Variants in LAT2 observed in about 807,000 individuals in gnomAD.
LAT2 encodes linker for activation of T cells family member 2.
In LAT2, 23 loss-of-function variants were observed where a neutral mutation model predicts 43.4. The ratio of observed to expected loss-of-function variants is 0.53; its 90% CI spans 0.38 to 0.75. The LOEUF (loss-of-function observed/expected upper bound fraction) is 0.75, where lower values mean the gene tolerates loss of function less well. LAT2 is among the 30% of genes least tolerant of loss of function. The probability of loss-of-function intolerance (pLI) is 0.00; values close to 1 mark genes in which losing one functional copy is unlikely to be tolerated. For synonymous variants in LAT2, 128 were observed against 123.2 expected (o/e 1.04, Z -0.26); for missense variants, 284 against 310.2 (o/e 0.92, Z 0.64).
At chr7:74,224,252 T>C (rs1584227238) in intron 12 of LAT2, 55 bp downstream of exon 12, 2 of 1,571,538 alleles carry the variant, frequency 1.3e-6, no homozygotes, top group African/African-American at 1.3e-5. Flanking sequence ...CTTGAGGGAC[T>C]GGCCTGGAAG....
intron 1 of LAT2, among the ~76,000 whole-genome samples, chr7:74,210,460 CGGTG>C (rs1563963934): frequency 6.6e-6 from 1 of 152,160 alleles, no homozygotes; most frequent in African/African-American, 2.4e-5. Context: ...CAGGGGAAAA[CGGTG>C]GGATTACAGG....
intron 10 of LAT2, among the ~76,000 whole-genome samples, chr7:74,222,400 CAA>C (rs782642560): frequency 2.4e-4 from 31 of 129,886 alleles, no homozygotes; most frequent in Admixed American, 1.6e-3. Flanking sequence ...GACTCCATCT[CAA>C]AAAAAAAAAA....
intron 1 of LAT2, among the ~76,000 whole-genome samples, chr7:74,211,531 C>T (rs144842238): frequency 0.022 from 3,337 of 152,106 alleles, 112 homozygotes; most frequent in African/African-American, 0.074. Flanking sequence ...AATCTTGGCT[C>T]ACTGCAAGCT....
chr7:74,210,719 G>A (rs759314681), intron 1 of LAT2, among the ~76,000 whole-genome samples: 117 of 152,254 alleles, frequency 7.7e-4, no homozygotes, highest in South Asian at 2.1e-3. Flanking sequence ...AGGCCAAGGC[G>A]GGAGGATCAT....
rs868919819 is a variant in LAT2 at position 74,214,082 on chromosome 7, A to G, written c.-218-740A>G. 5.4e-3 allele frequency among the ~76,000 whole-genome samples: 696 copies of G among 128,102 alleles called. 3 individuals carry two copies. Among genetic ancestry groups the G allele is most frequent in the South Asian group, 0.012 (54 of 4,560 alleles). 84.0% of individuals were successfully genotyped at this position (128,102 alleles called of 152,430 possible). The stretch of plus-strand genomic sequence containing the variant: ...TGAAAAAATATATATAAATATATAT[A>G]TATGAAAAAATATATATAAATATAT... On this transcript the variant is annotated intron_variant, in intron 1 of 13. Coordinates refer to ENST00000460943, the MANE Select transcript of LAT2 (RefSeq NM_032464.3).
At position 74,220,915 on chromosome 7, in the gene LAT2, T is replaced by C. The variant is rs1179111821; in HGVS notation, c.332+181T>C. Among the ~76,000 whole-genome samples the C allele has an allele frequency of 2.6e-5, 4 of 152,182 alleles. No homozygotes were observed. The East Asian group carries it at 5.8e-4, about 22-fold the overall frequency. On this transcript the variant is annotated intron_variant, in intron 9 of 13. Coordinates refer to ENST00000460943, the MANE Select transcript of LAT2 (RefSeq NM_032464.3). The surrounding 1 kb of genome is among the most constrained non-coding windows in gnomAD (Gnocchi z 4.5). ...CCCTCCTTCTCCTGGCAGGCAGGCA[T>C]TGGGCGACACTGTTGTCTCTTAGGT...
intron 1 of LAT2, among the ~76,000 whole-genome samples, chr7:74,213,382 A>G (rs1194339264): frequency 6.7e-6 from 1 of 149,918 alleles, no homozygotes; most frequent in Non-Finnish European, 1.5e-5. Flanking sequence ...CAGCCTCCCA[A>G]AGTGTTGGGA....
chr7:74,222,481 C>A (rs535566763), intron 10 of LAT2, among the ~76,000 whole-genome samples: 4 of 151,766 alleles, frequency 2.6e-5, no homozygotes, highest in Non-Finnish European at 5.9e-5. Context: ...CATGGGCCTG[C>A]GGTTTGAATC....
In LAT2 at chr7:74,224,669, C is replaced by G; in HGVS notation, c.659C>G (p.Pro220Arg). 6.2e-7 allele frequency: 1 copy of G among 1,607,188 alleles called. No individual in the cohort carries two copies. The highest frequency in any genetic ancestry group is 1.7e-5 in the Admixed American group (1 of 58,938). Residue 220 changes from proline to arginine, a missense_variant, in exon 13 of 14, where the codon CCG becomes CGG. Physicochemically the swap from Pro to Arg is moderately radical, Grantham distance 103. Coordinates refer to ENST00000460943, the MANE Select transcript of LAT2 (RefSeq NM_032464.3). ...GQLQREASPG[P>R]VGSPDEEDGE... Reference sequence around the variant, plus strand: ...CTCCAGAGAGAAGCATCCCCTGGCCCGGTGGGAAGCCCAGACGAGGAGGAC... The same window carrying G: ...CTCCAGAGAGAAGCATCCCCTGGCCGGGTGGGAAGCCCAGACGAGGAGGAC...
In LAT2 at chr7:74,214,785, ATATATAT is replaced by A. The variant is rs1801972047; in HGVS notation, c.-218-35_-218-29del. 4 of 86,180 alleles carry A rather than the reference ATATATAT, an allele frequency of 4.6e-5. 1 individual carries two copies. The highest frequency in any genetic ancestry group is 1.1e-4 in the African/African-American group (2 of 18,020). The allele number at this position is 86,180 out of a possible 1,614,324, so 5.3% of individuals were successfully genotyped here. A position where few individuals can be genotyped will look rare whatever the true frequency, so the allele number is the denominator to read the frequency against. ...TAAACATATATATATAAATATATATATATATATTTTTTTTTTTTTTTGTATTTTTTTT... is the reference window on the plus strand; with the variant it reads ...TAAACATATATATATAAATATATATATTTTTTTTTTTTTTGTATTTTTTTT... On this transcript the variant is annotated intron_variant, in intron 1 of 13. Transcript: ENST00000460943.
In LAT2 at chr7:74,223,996, G is replaced by A. The variant is rs781866369; in HGVS notation, c.449-22G>A. ...GCCTCTGTGGGACTGAGCCAAGGGG[G>A]GCCTATTCTCCCTCTCTGCAGGTGC... On this transcript the variant is annotated intron_variant, in intron 11 of 13. Transcript: ENST00000460943. The A allele has an allele frequency of 2.5e-6, 4 of 1,610,242 alleles. No individual in the cohort carries two copies. The East Asian group carries it at 8.9e-5, about 36-fold the overall frequency.
At chr7:74,213,682 C>T (rs1396809860) in intron 1 of LAT2, among the ~76,000 whole-genome samples, 1 of 152,002 alleles carries the variant, frequency 6.6e-6, no homozygotes, top group Non-Finnish European at 1.5e-5. Context: ...CTTGGCCTCC[C>T]AAAGTGCTGG....
At chr7:74,219,027 T>C (rs1205033503) in intron 4 of LAT2, among the ~76,000 whole-genome samples, 4 of 94,648 alleles carry the variant, frequency 4.2e-5, no homozygotes, top group Non-Finnish European at 6.3e-5. Flanking sequence ...TTTTTTTTTT[T>C]TTTTTTTTTT....
rs1405547977 is a variant in LAT2 at position 74,220,124 on chromosome 7, A to G, written c.228-93A>G. 1 of 1,562,354 alleles carries G rather than the reference A, an allele frequency of 6.4e-7. No individual in the cohort carries two copies. Among genetic ancestry groups the G allele is most frequent in the Non-Finnish European group, 8.7e-7 (1 of 1,144,296 alleles). The stretch of plus-strand genomic sequence containing the variant: ...AGTCCCAGAGCTCCAGGGCTCAGCT[A>G]TGAAGGCCCCACAAGGGGTATGGGG... On this transcript the variant is annotated intron_variant, in intron 6 of 13. Transcript: ENST00000460943. This position sits in a 1 kb window ranked among gnomAD's most constrained non-coding sequence, Gnocchi z 4.5.
Position 74,220,096 on chromosome 7 carries a change from C to G in LAT2, c.227+88C>G. On this transcript the variant is annotated intron_variant, in intron 6 of 13. Transcript: ENST00000460943. The surrounding 1 kb of genome is among the most constrained non-coding windows in gnomAD (Gnocchi z 4.5). ...CCCAGGTCAAGACCTCCCTCCCTCC[C>G]CGAGTCCCAGAGCTCCAGGGCTCAG... is the stretch of plus-strand genomic sequence containing the variant. 1 of 1,568,612 alleles carries G rather than the reference C, an allele frequency of 6.4e-7. No homozygotes were observed.
chr7:74,227,170 T>A (rs1462344153), intron 13 of LAT2, among the ~76,000 whole-genome samples: 5 of 150,692 alleles, frequency 3.3e-5, no homozygotes, highest in African/African-American at 1.2e-4. Context: ...GCCTCCCGAG[T>A]AGCTGCGATT....
chr7:74,219,597 C>A, intron 4 of LAT2, 147 bp from the exon 5 acceptor site: 1 of 976,504 alleles, frequency 1.0e-6, no homozygotes, highest in Non-Finnish European at 1.6e-6. Flanking sequence ...AGAATGAGGC[C>A]TGAAAGGGCA....
rs2116113373 is a variant in LAT2 at position 74,214,940 on chromosome 7, G to C, written c.-100G>C. Reference sequence around the variant, plus strand: ...GGCGTGAGCCACCGCTCCTGGCCAGGGTCTGTTCCTAGTTGCAACAGTTCT... The same window carrying C: ...GGCGTGAGCCACCGCTCCTGGCCAGCGTCTGTTCCTAGTTGCAACAGTTCT... On this transcript the variant is annotated 5_prime_UTR_variant, in exon 2 of 14. Coordinates refer to ENST00000460943, the MANE Select transcript of LAT2 (RefSeq NM_032464.3). The C allele has an allele frequency of 6.6e-6, 1 of 150,706 alleles. No homozygotes were observed. The highest frequency in any genetic ancestry group is 2.1e-4 in the South Asian group (1 of 4,782). 9.3% of individuals were successfully genotyped at this position (150,706 alleles called of 1,614,324 possible).
chr7:74,220,655 T>G lies in LAT2; in HGVS notation c.301+36T>G. 1 of 1,613,820 alleles carries G rather than the reference T, an allele frequency of 6.2e-7. No homozygotes were observed. Among genetic ancestry groups the G allele is most frequent in the Non-Finnish European group, 8.5e-7 (1 of 1,179,882 alleles). Reference sequence around the variant, plus strand: ...TCCTGGAGAAAGGGGGAGGCCATGGTGGGGGCCACACCCAGGGGCTCAGGC... The same window carrying G: ...TCCTGGAGAAAGGGGGAGGCCATGGGGGGGGCCACACCCAGGGGCTCAGGC... On this transcript the variant is annotated intron_variant, in intron 8 of 13. Coordinates refer to ENST00000460943, the MANE Select transcript of LAT2 (RefSeq NM_032464.3). This position sits in a 1 kb window ranked among gnomAD's most constrained non-coding sequence, Gnocchi z 4.5.
Sources: allele counts gnomAD v4.1 joint callset (sites outside exome capture counted in the v4.1 genomes callset), GRCh38; gene constraint gnomAD v4.1.1; non-coding constraint Gnocchi (gnomAD v3.1); transcripts MANE v1.5; gene names NCBI Gene and HGNC (gene_info 2026-07-23, HGNC 2026-07-21).